SNX29: variants seen among roughly 807,000 people sequenced by gnomAD.
The protein encoded by SNX29 is sorting nexin-29.
A neutral mutation model predicts 102.1 loss-of-function variants in SNX29; 78 were observed. The ratio of observed to expected loss-of-function variants is 0.76; its 90% CI spans 0.64 to 0.92. The LOEUF (loss-of-function observed/expected upper bound fraction) is 0.92. Ranked by LOEUF, SNX29 falls within the 40% of genes least tolerant of loss-of-function variation. SNX29 has a pLI of 0.00. For synonymous variants in SNX29, 580 were observed against 414.5 expected (o/e 1.40, Z -4.85); for missense variants, 1,280 against 1,061.7 (o/e 1.21, Z -2.86).
At chr16:12,489,870 A>G (rs2088454212) in intron 19 of SNX29, among the ~76,000 whole-genome samples, 1 of 151,660 alleles carries the variant, frequency 6.6e-6, no homozygotes, top group Non-Finnish European at 1.5e-5. Flanking sequence ...CAGTGGTGTG[A>G]TCTTGGCTCA....
At chr16:12,478,951 C>CA (rs964166288) in intron 19 of SNX29, among the ~76,000 whole-genome samples, 1 of 152,196 alleles carries the variant, frequency 6.6e-6, no homozygotes, top group Non-Finnish European at 1.5e-5. Flanking sequence ...AATAGCTTGG[C>CA]AGGGACAGTC....
rs985037297 is a variant in SNX29 at position 12,570,968 on chromosome 16, T to G, written c.*2339T>G. The G allele has an allele frequency of 5.2e-5, 12 of 232,296 alleles. No homozygotes were observed. Among genetic ancestry groups the G allele is most frequent in the Admixed American group, 2.3e-4 (4 of 17,742 alleles). The allele number at this position is 232,296 out of a possible 1,614,324, so 14.4% of individuals were successfully genotyped here. ...ATGGGGACCATCCCCAGCTGCCTGC[T>G]CCTGGTACCTCCCCCATGATCATGC... is the stretch of plus-strand genomic sequence containing the variant. On this transcript the variant is annotated 3_prime_UTR_variant, in exon 21 of 21. Coordinates refer to ENST00000566228, the MANE Select transcript of SNX29 (RefSeq NM_032167.5).
intron 14 of SNX29, among the ~76,000 whole-genome samples, chr16:12,206,121 G>C (rs1210193388): frequency 6.6e-6 from 1 of 152,112 alleles, no homozygotes; most frequent in African/African-American, 2.4e-5. Flanking sequence ...TTTGCTTTTA[G>C]TGACCACGAT....
chr16:12,299,672 C>T (rs1246425742), intron 15 of SNX29, among the ~76,000 whole-genome samples: 3 of 151,996 alleles, frequency 2.0e-5, no homozygotes, highest in East Asian at 1.9e-4. Context: ...AAATCTTTCC[C>T]TTTCTTCTTC....
At chr16:12,199,853 T>C (rs2076870391) in intron 14 of SNX29, among the ~76,000 whole-genome samples, 170 bp downstream of exon 14, 1 of 152,228 alleles carries the variant, frequency 6.6e-6, no homozygotes. Context: ...CTGATGCGTA[T>C]CCCTGCAACA....
At chr16:12,444,692 G>A (rs943011313) in intron 18 of SNX29, among the ~76,000 whole-genome samples, 1 of 152,072 alleles carries the variant, frequency 6.6e-6, no homozygotes, top group Non-Finnish European at 1.5e-5. Flanking sequence ...CACTCCCCAG[G>A]CTACAGGTCC....
intron 20 of SNX29, among the ~76,000 whole-genome samples, chr16:12,563,545 T>C (rs148733925): frequency 0.013 from 1,975 of 152,324 alleles, 153 homozygotes; most frequent in Admixed American, 0.11. Flanking sequence ...CTCCCACCAC[T>C]ACCTGAGGGG....
chr16:12,264,311 G>C (rs1249616291), intron 14 of SNX29, among the ~76,000 whole-genome samples: 1 of 152,170 alleles, frequency 6.6e-6, no homozygotes, highest in African/African-American at 2.4e-5. Context: ...CCTCTGCATG[G>C]GCTTTTGAAA....
intron 20 of SNX29, among the ~76,000 whole-genome samples, chr16:12,542,281 G>C (rs1336452829): frequency 6.6e-6 from 1 of 152,048 alleles, no homozygotes; most frequent in East Asian, 1.9e-4. Flanking sequence ...TGGAGAAATG[G>C]AGGAACTTGC....
chr16:12,000,828 C>G (rs1255423766), intron 2 of SNX29, among the ~76,000 whole-genome samples: 2 of 152,160 alleles, frequency 1.3e-5, no homozygotes, highest in Admixed American at 6.6e-5. Flanking sequence ...TTCTTTAGCT[C>G]TGTGTGTACA....
At chr16:12,509,062 C>T (rs7185459) in intron 19 of SNX29, among the ~76,000 whole-genome samples, 7,110 of 152,066 alleles carry the variant, frequency 0.047, 383 homozygotes, top group African/African-American at 0.12. Flanking sequence ...GTCTCTCTGC[C>T]CACTGAGACA....
intron 19 of SNX29, among the ~76,000 whole-genome samples, chr16:12,501,005 T>C (rs2089094062): frequency 6.6e-6 from 1 of 152,188 alleles, no homozygotes; most frequent in African/African-American, 2.4e-5. Context: ...TATTGGGGTG[T>C]GGCTGTGTGC....
chr16:12,560,011 AT>A (rs1029291279), intron 20 of SNX29, among the ~76,000 whole-genome samples: 17 of 152,318 alleles, frequency 1.1e-4, no homozygotes, highest in Admixed American at 7.2e-4. Context: ...CTTCACTTAC[AT>A]TTTGGAAGAC....
At chr16:12,082,077 G>A (rs1354435876) in intron 11 of SNX29, among the ~76,000 whole-genome samples, 4 of 152,178 alleles carry the variant, frequency 2.6e-5, no homozygotes, top group Non-Finnish European at 4.4e-5. Context: ...GGGATCTAAC[G>A]CCACATCGCT....
At chr16:12,256,805 T>C (rs1397882383) in intron 14 of SNX29, among the ~76,000 whole-genome samples, 2 of 152,188 alleles carry the variant, frequency 1.3e-5, no homozygotes, top group East Asian at 1.9e-4. Context: ...GAATGGCCAC[T>C]GATGGCTCTG....
intron 13 of SNX29, among the ~76,000 whole-genome samples, chr16:12,143,299 C>T (rs945549170): frequency 6.6e-6 from 1 of 152,210 alleles, no homozygotes; most frequent in Admixed American, 6.5e-5. Context: ...GCCTGGCCGG[C>T]CACAAGCAAA....
Position 12,343,783 on chromosome 16 carries a change from C to T in SNX29, c.1783-12380C>T, listed in dbSNP as rs371535924. Among the ~76,000 whole-genome samples the T allele has an allele frequency of 4.5e-4, 68 of 152,182 alleles. No individual in the cohort carries two copies. In the East Asian group the frequency reaches 8.5e-3, roughly 19 times the overall value. On this transcript the variant is annotated intron_variant, in intron 15 of 20. Transcript: ENST00000566228. ...AGAGCTCAGATCAGTGCCTGGCACA[C>T]CGTTGCTCAATAAATGTTTGTTGAA...
At chr16:11,984,815 C>T (rs886445390) in intron 1 of SNX29, among the ~76,000 whole-genome samples, 3 of 152,066 alleles carry the variant, frequency 2.0e-5, no homozygotes, top group East Asian at 1.9e-4. Flanking sequence ...CCACCACACC[C>T]GTCTAACTTT....
chr16:12,552,588 TTA>T (rs2078049611), intron 20 of SNX29, among the ~76,000 whole-genome samples: 2 of 151,224 alleles, frequency 1.3e-5, no homozygotes, highest in Admixed American at 1.3e-4. Flanking sequence ...CTCATGGAGT[TTA>T]TATTCTCATG....
Sources: allele counts gnomAD v4.1 joint callset (sites outside exome capture counted in the v4.1 genomes callset), GRCh38; gene constraint gnomAD v4.1.1; transcripts MANE v1.5; gene names NCBI Gene and HGNC (gene_info 2026-07-23, HGNC 2026-07-21).